The following GABBR2 variants were observed in gnomAD, a reference collection of about 807,000 sequenced individuals.
GABBR2 encodes gamma-aminobutyric acid type B receptor subunit 2.
A neutral mutation model predicts 105.6 loss-of-function variants in GABBR2; 23 were observed. The observed-to-expected ratio is 0.22, with a 90% CI of 0.16 to 0.31. The LOEUF is 0.31. Ranked by LOEUF, GABBR2 falls within the 10% of genes least tolerant of loss-of-function variation. GABBR2 has a pLI of 1.00. For synonymous variants in GABBR2, 478 were observed against 499.7 expected (o/e 0.96, Z 0.58); for missense variants, 734 against 1,245.5 (o/e 0.59, Z 6.18).
At chr9:98,382,480 A>AT (rs1422140228) in intron 11 of GABBR2, among the ~76,000 whole-genome samples, 3 of 151,934 alleles carry the variant, frequency 2.0e-5, no homozygotes, top group Non-Finnish European at 1.5e-5. Flanking sequence ...CGCCCAGCTA[A>AT]TTTTTTGTAT....
intron 11 of GABBR2, among the ~76,000 whole-genome samples, chr9:98,380,369 T>C (rs1466245557): frequency 6.6e-6 from 1 of 152,156 alleles, no homozygotes; most frequent in Admixed American, 6.5e-5. Flanking sequence ...CCCTTCTTAC[T>C]CCTCCCCCGC....
At position 98,674,216 on chromosome 9, in the gene GABBR2, A is replaced by G. The variant is rs1830444775; in HGVS notation, c.321+34201T>C. ...AGTAGCTAAATGACATGGAAATCCA[A>G]GCTTCCACAGGATTCCCATGTCCAG... is the stretch of plus-strand genomic sequence containing the variant. On this transcript the variant is annotated intron_variant, in intron 1 of 18. Transcript: ENST00000259455. 2.0e-5 allele frequency among the ~76,000 whole-genome samples: 3 copies of G among 152,174 alleles called. No individual in the cohort carries two copies. In the South Asian group the frequency reaches 6.2e-4, roughly 32 times the overall value.
chr9:98,654,744 T>C (rs1240282426), intron 1 of GABBR2, among the ~76,000 whole-genome samples: 1 of 152,216 alleles, frequency 6.6e-6, no homozygotes, highest in African/African-American at 2.4e-5. Context: ...CAGAGCCCCT[T>C]GGTCTTCACC....
At position 98,406,154 on chromosome 9, in the gene GABBR2, C is replaced by A. The variant is rs1410812299; in HGVS notation, c.1237-13G>T. 11 of 1,519,804 alleles carry A rather than the reference C, an allele frequency of 7.2e-6. No individual in the cohort carries two copies. Among genetic ancestry groups the A allele is most frequent in the Non-Finnish European group, 9.8e-6 (11 of 1,117,892 alleles). The allele number at this position is 1,519,804 out of a possible 1,614,324, so 94.1% of individuals were successfully genotyped here. A position where few individuals can be genotyped will look rare whatever the true frequency, so the allele number is the denominator to read the frequency against. On this transcript the variant is annotated splice_polypyrimidine_tract_variant and intron_variant, in intron 7 of 18. Coordinates refer to ENST00000259455, the MANE Select transcript of GABBR2 (RefSeq NM_005458.8). ...ATACAACTTGACCCTAAAAACAAAA[C>A]AAAACAAATCAAACAAGAATAAAAG...
chr9:98,648,118 TAGATAG>T (rs1283464352), intron 1 of GABBR2, among the ~76,000 whole-genome samples: 14 of 142,136 alleles, frequency 9.8e-5, no homozygotes, highest in Admixed American at 6.4e-4. Context: ...TGTGTGTGTA[TAGATAG>T]ATAGATAGAT....
At chr9:98,571,739 T>C (rs1328755473) in intron 2 of GABBR2, among the ~76,000 whole-genome samples, 1 of 152,176 alleles carries the variant, frequency 6.6e-6, no homozygotes, top group Non-Finnish European at 1.5e-5. Context: ...ACTGGACTTC[T>C]CAGGGAACCT....
At chr9:98,418,339 C>T (rs1157329852) in intron 7 of GABBR2, among the ~76,000 whole-genome samples, 2 of 151,918 alleles carry the variant, frequency 1.3e-5, no homozygotes, top group East Asian at 3.9e-4. Flanking sequence ...AGTTCAAGAC[C>T]AGGCTAGGCA....
chr9:98,453,910 A>G (rs1041204478), intron 7 of GABBR2, 71 bp downstream of exon 7: 73 of 999,576 alleles, frequency 7.3e-5, no homozygotes, highest in Non-Finnish European at 1.1e-4. Context: ...GAAAGCCTGT[A>G]ACAGCCCCTC....
chr9:98,478,786 T>C (rs1238052634), intron 5 of GABBR2, among the ~76,000 whole-genome samples: 1 of 152,232 alleles, frequency 6.6e-6, no homozygotes, highest in East Asian at 1.9e-4. Context: ...GGCCCATCTA[T>C]GTTTCTTGCA....
At chr9:98,315,289 C>T (rs954504788) in intron 13 of GABBR2, among the ~76,000 whole-genome samples, 1 of 152,102 alleles carries the variant, frequency 6.6e-6, no homozygotes, top group African/African-American at 2.4e-5. Flanking sequence ...CTGGGGTGGC[C>T]GAGCTGCTCC....
At chr9:98,621,300 T>A (rs1313554607) in intron 1 of GABBR2, among the ~76,000 whole-genome samples, 1 of 152,196 alleles carries the variant, frequency 6.6e-6, no homozygotes, top group Non-Finnish European at 1.5e-5. Flanking sequence ...GGGGCACCAC[T>A]GCCATCCCAC....
chr9:98,647,173 C>G (rs117676591), intron 1 of GABBR2, among the ~76,000 whole-genome samples: 267 of 152,354 alleles, frequency 1.8e-3, no homozygotes, highest in Non-Finnish European at 3.1e-3. Flanking sequence ...AGTCCCTGTG[C>G]TATAGAGCTC....
intron 1 of GABBR2, among the ~76,000 whole-genome samples, chr9:98,610,785 A>C (rs987608195): frequency 3.1e-4 from 47 of 152,178 alleles, no homozygotes; most frequent in African/African-American, 1.1e-3. Context: ...CTGTGAGAAA[A>C]AAAAAAAACG....
intron 18 of GABBR2, among the ~76,000 whole-genome samples, chr9:98,291,359 T>C (rs1830300311): frequency 6.6e-6 from 1 of 152,242 alleles, no homozygotes; most frequent in African/African-American, 2.4e-5. Flanking sequence ...AAGCTTTGCC[T>C]TTCTATCAGG....
intron 2 of GABBR2, chr9:98,556,040 G>A (rs1409447699): frequency 6.6e-6 from 1 of 152,458 alleles, no homozygotes; most frequent in African/African-American, 2.4e-5. Flanking sequence ...GTCACAAAAT[G>A]CCTTCACACT....
chr9:98,436,504 C>A (rs1239434535), intron 7 of GABBR2, among the ~76,000 whole-genome samples: 2 of 146,886 alleles, frequency 1.4e-5, no homozygotes, highest in Non-Finnish European at 3.0e-5. Flanking sequence ...TCAGAGCAAC[C>A]CAGTGAGGGG....
At chr9:98,682,565 A>G (rs144626935) in intron 1 of GABBR2, among the ~76,000 whole-genome samples, 2,495 of 151,772 alleles carry the variant, frequency 0.016, 19 homozygotes, top group Non-Finnish European at 0.027. Flanking sequence ...TAGTAGAGAC[A>G]TGGTTTTGCC....
chr9:98,648,863 A>T (rs1050638621), intron 1 of GABBR2, among the ~76,000 whole-genome samples: 22 of 152,200 alleles, frequency 1.4e-4, no homozygotes, highest in African/African-American at 5.1e-4. Flanking sequence ...AGTTTCTTCC[A>T]GTATTGATAT....
At chr9:98,451,206 A>C (rs1359666642) in intron 7 of GABBR2, among the ~76,000 whole-genome samples, 1 of 152,152 alleles carries the variant, frequency 6.6e-6, no homozygotes, top group African/African-American at 2.4e-5. Flanking sequence ...AGAGGGCTGC[A>C]GGAAGAGGGG....
Sources: allele counts gnomAD v4.1 joint callset (sites outside exome capture counted in the v4.1 genomes callset), GRCh38; gene constraint gnomAD v4.1.1; transcripts MANE v1.5; gene names NCBI Gene and HGNC (gene_info 2026-07-23, HGNC 2026-07-21).